SLC44A5: variants seen among roughly 807,000 people sequenced by gnomAD.
The protein encoded by SLC44A5 is choline transporter-like protein 5.
SLC44A5 carries 57 observed loss-of-function variants against 101.8 expected under a neutral mutation model. The observed-to-expected ratio is 0.56, with a 90% CI of 0.45 to 0.70. SLC44A5 has a LOEUF of 0.70. Ranked by LOEUF, SLC44A5 falls within the 30% of genes least tolerant of loss-of-function variation. The probability of loss-of-function intolerance (pLI) is 0.00; values close to 1 mark genes in which losing one functional copy is unlikely to be tolerated. For missense variants in SLC44A5, 737 were observed against 853.1 expected (o/e 0.86, Z 1.70); for synonymous variants, 281 against 290.9 (o/e 0.97, Z 0.35).
chr1:75,349,902 G>C (rs1006503393), intron 3 of SLC44A5, among the ~76,000 whole-genome samples: 1 of 152,128 alleles, frequency 6.6e-6, no homozygotes, highest in African/African-American at 2.4e-5. Flanking sequence ...ATTACTTCCA[G>C]ACTAGTAGAG....
intron 2 of SLC44A5, among the ~76,000 whole-genome samples, chr1:75,471,488 A>T (rs1667108132): frequency 6.6e-6 from 1 of 152,086 alleles, no homozygotes; most frequent in Non-Finnish European, 1.5e-5. Context: ...GCAGCTTCCA[A>T]AGCACTGCCT....
At chr1:75,357,553 C>G (rs1659172106) in intron 3 of SLC44A5, among the ~76,000 whole-genome samples, 1 of 152,090 alleles carries the variant, frequency 6.6e-6, no homozygotes, top group Admixed American at 6.6e-5. Flanking sequence ...AGAGGAAACA[C>G]AAAGGCCCTG....
At chr1:75,352,222 A>G (rs1024296810) in intron 3 of SLC44A5, among the ~76,000 whole-genome samples, 1 of 151,810 alleles carries the variant, frequency 6.6e-6, no homozygotes, top group Non-Finnish European at 1.5e-5. Context: ...CTTAAGTTTC[A>G]AGGTATATGT....
At chr1:75,293,315 C>T (rs1653711323) in intron 5 of SLC44A5, among the ~76,000 whole-genome samples, 1 of 152,134 alleles carries the variant, frequency 6.6e-6, no homozygotes, top group Non-Finnish European at 1.5e-5. Context: ...AGGGTTGAGT[C>T]AGGAGTTGCA....
chr1:75,342,550 C>T (rs1442413743), intron 3 of SLC44A5, among the ~76,000 whole-genome samples: 1 of 47,344 alleles, frequency 2.1e-5, no homozygotes, highest in Non-Finnish European at 4.1e-5. Flanking sequence ...CAACTCCAAA[C>T]AAAGCCTGTG....
chr1:75,363,778 A>G (rs1659669413), intron 3 of SLC44A5, among the ~76,000 whole-genome samples: 1 of 152,102 alleles, frequency 6.6e-6, no homozygotes, highest in Non-Finnish European at 1.5e-5. Context: ...TTGTACTTTC[A>G]TGTGTTTTAT....
chr1:75,599,810 A>G (rs1222826415), intron 1 of SLC44A5, among the ~76,000 whole-genome samples: 1 of 152,152 alleles, frequency 6.6e-6, no homozygotes, highest in Non-Finnish European at 1.5e-5. Context: ...ATCATTAAGA[A>G]TTAGGGTGAA....
chr1:75,287,426 CTTTTT>C (rs371647505), intron 5 of SLC44A5, among the ~76,000 whole-genome samples: 94 of 69,912 alleles, frequency 1.3e-3, no homozygotes, highest in South Asian at 1.8e-3. Flanking sequence ...CTTCTGAATT[CTTTTT>C]TTTTTTTTTT....
intron 2 of SLC44A5, among the ~76,000 whole-genome samples, chr1:75,529,210 C>G (rs1670589552): frequency 6.6e-6 from 1 of 152,184 alleles, no homozygotes; most frequent in Non-Finnish European, 1.5e-5. Flanking sequence ...ATTTTAACCT[C>G]TGGTTGCAAT....
intron 2 of SLC44A5, among the ~76,000 whole-genome samples, chr1:75,421,300 A>G (rs1663989390): frequency 6.6e-6 from 1 of 152,094 alleles, no homozygotes; most frequent in South Asian, 2.1e-4. Flanking sequence ...CTAAAAAGCC[A>G]CCATTATTTT....
chr1:75,482,427 A>G (rs1667924843), intron 2 of SLC44A5, among the ~76,000 whole-genome samples: 1 of 151,936 alleles, frequency 6.6e-6, no homozygotes, highest in South Asian at 2.1e-4. Flanking sequence ...TAATAATAAT[A>G]AAATAAAAAA....
At chr1:75,616,893 A>C in the SLC44A5 span, among the ~76,000 whole-genome samples, 3 of 152,108 alleles carry the variant, frequency 2.0e-5, no homozygotes, top group Non-Finnish European at 4.4e-5. Flanking sequence ...CGGAGGTGTG[A>C]TTTCTTGGCC....
chr1:75,575,534 C>T (rs1673311486), intron 1 of SLC44A5, among the ~76,000 whole-genome samples: 1 of 152,088 alleles, frequency 6.6e-6, no homozygotes, highest in South Asian at 2.1e-4. Context: ...TAAAATATTT[C>T]CTAGGAGCTG....
chr1:75,625,073 C>T, the SLC44A5 span, among the ~76,000 whole-genome samples: 2 of 152,004 alleles, frequency 1.3e-5, no homozygotes, highest in Admixed American at 6.6e-5. Context: ...CCCACTGAGT[C>T]GCACTGTGAG....
At chr1:75,306,733 C>CTTTCTTTTTTT (rs1459929402) in intron 4 of SLC44A5, among the ~76,000 whole-genome samples, 1 of 102,588 alleles carries the variant, frequency 9.7e-6, no homozygotes, top group Non-Finnish European at 1.8e-5. Flanking sequence ...GGTTTCCTTT[C>CTTTCTTTTTTT]TTTTTTTTTT....
chr1:75,245,500 C>T (rs1649030045), intron 7 of SLC44A5, among the ~76,000 whole-genome samples: 1 of 152,100 alleles, frequency 6.6e-6, no homozygotes, highest in Non-Finnish European at 1.5e-5. Flanking sequence ...ACTCATGTAA[C>T]TTTGAAAGAC....
At chr1:75,720,157 C>A in the SLC44A5 span, among the ~76,000 whole-genome samples, 1 of 152,316 alleles carries the variant, frequency 6.6e-6, no homozygotes, top group South Asian at 2.1e-4. Context: ...TGGTATACAA[C>A]CCCTGGGTCT....
intron 2 of SLC44A5, among the ~76,000 whole-genome samples, chr1:75,405,876 T>C (rs1319014205): frequency 3.6e-5 from 3 of 84,022 alleles, no homozygotes; most frequent in Admixed American, 1.6e-4. Context: ...CTGAAGGCGA[T>C]AGAGATAAAA....
At chr1:75,338,830 C>T (rs1484479758) in intron 4 of SLC44A5, among the ~76,000 whole-genome samples, 2 of 152,126 alleles carry the variant, frequency 1.3e-5, no homozygotes, top group African/African-American at 4.8e-5. Flanking sequence ...ATGCTGATCG[C>T]TAGTTCACAT....
Sources: allele counts gnomAD v4.1 joint callset (sites outside exome capture counted in the v4.1 genomes callset), GRCh38; gene constraint gnomAD v4.1.1; transcripts MANE v1.5; gene names NCBI Gene and HGNC (gene_info 2026-07-23, HGNC 2026-07-21).